The following BSPH1 variants were observed in gnomAD, a reference collection of about 807,000 sequenced individuals.
BSPH1 encodes the protein binder of sperm protein homolog 1, also known as binder of sperm 1.
A neutral mutation model predicts 22.5 loss-of-function variants in BSPH1; 21 were observed. The ratio of observed to expected loss-of-function variants is 0.93; its 90% confidence interval spans 0.66 to 1.35. The LOEUF (loss-of-function observed/expected upper bound fraction) is 1.35, where lower values mean the gene tolerates loss of function less well. Among genes scored for constraint, BSPH1 ranks in the 40% most tolerant of loss-of-function variants. The pLI, the probability that BSPH1 is intolerant of heterozygous loss-of-function variation, is 0.00. For missense variants in BSPH1, 141 were observed against 154.2 expected (o/e 0.91, Z 0.45); for synonymous variants, 42 against 53.6 (o/e 0.78, Z 0.95).
At chr19:47,988,235 TC>T (rs1211679160) in intron 1 of BSPH1, among the ~76,000 whole-genome samples, 1 of 152,170 alleles carries the variant, frequency 6.6e-6, no homozygotes, top group Non-Finnish European at 1.5e-5. Flanking sequence ...TTATCCTGCC[TC>T]TTTAATACTG....
chr19:47,978,003 T>TAG lies in BSPH1; in HGVS notation c.125-500_125-499insCT, dbSNP rs1351394875. 9.6e-5 allele frequency among the ~76,000 whole-genome samples: 9 copies of TAG among 93,708 alleles called. No homozygotes were observed. The East Asian group carries it at 2.5e-3, about 26-fold the overall frequency. The allele number at this position is 93,708 out of a possible 152,430, so 61.5% of individuals were successfully genotyped here. A position where few individuals can be genotyped will look rare whatever the true frequency, so the allele number is the denominator to read the frequency against. Reference sequence around the variant, plus strand: ...TATATGCTGTATGGTTAATACAGGATATATATATATATATATATATATATA... The same window carrying TAG: ...TATATGCTGTATGGTTAATACAGGATAGATATATATATATATATATATATATA... On this transcript the variant is annotated intron_variant, in intron 3 of 5. Coordinates refer to ENST00000344839, the MANE Select transcript of BSPH1 (RefSeq NM_001128326.2).
At chr19:47,969,017 A>AAT (rs761983026) in intron 5 of BSPH1, among the ~76,000 whole-genome samples, 37 of 151,812 alleles carry the variant, frequency 2.4e-4, no homozygotes, top group Admixed American at 9.8e-4. Flanking sequence ...AAAAAAAAAA[A>AAT]AAAAAGAAAT....
rs1600080800 is a variant in BSPH1, at chr19:47,968,209, C to G, written c.*3G>C. On this transcript the variant is annotated splice_region_variant and 3_prime_UTR_variant, in exon 6 of 6. Coordinates refer to ENST00000344839, the MANE Select transcript of BSPH1 (RefSeq NM_001128326.2). ...CTGATAGCCAGCAGATGCAAGCAAA[C>G]CTAACCCAAAGAACAGAAGCAGAAA... The G allele has an allele frequency of 6.6e-6, 1 of 152,162 alleles. No individual in the cohort carries two copies. Among genetic ancestry groups the G allele is most frequent in the African/African-American group, 2.4e-5 (1 of 41,432 alleles). The allele number at this position is 152,162 out of a possible 1,614,324, so 9.4% of individuals were successfully genotyped here. A position where few individuals can be genotyped will look rare whatever the true frequency, so the allele number is the denominator to read the frequency against.
chr19:47,983,495 G>A (rs902866535), intron 1 of BSPH1, among the ~76,000 whole-genome samples: 24 of 152,114 alleles, frequency 1.6e-4, no homozygotes, highest in African/African-American at 5.6e-4. Flanking sequence ...TAAGCACTAT[G>A]ATCTTAGAAC....
At chr19:47,985,606 G>A (rs1040538797) in intron 1 of BSPH1, among the ~76,000 whole-genome samples, 8 of 152,014 alleles carry the variant, frequency 5.3e-5, no homozygotes, top group African/African-American at 1.4e-4. Flanking sequence ...AGGCCGAGGC[G>A]GGCAGATCAC....
intron 1 of BSPH1, among the ~76,000 whole-genome samples, chr19:47,986,754 T>A (rs2386985): frequency 3.1e-5 from 4 of 129,212 alleles, no homozygotes; most frequent in African/African-American, 9.1e-5. Context: ...AAAAATAAAA[T>A]AAAATAAAAT....
intron 1 of BSPH1, among the ~76,000 whole-genome samples, chr19:47,982,885 T>C (rs1969432327): frequency 6.6e-6 from 1 of 152,174 alleles, no homozygotes; most frequent in Non-Finnish European, 1.5e-5. Context: ...ATTCTACTTA[T>C]ATGAGGTAAC....
At chr19:47,984,099 G>A (rs143696584) in intron 1 of BSPH1, among the ~76,000 whole-genome samples, 3,139 of 149,384 alleles carry the variant, frequency 0.021, 74 homozygotes, top group African/African-American at 0.059. Context: ...CACCCACCTC[G>A]GCCTCCCAAA....
chr19:47,991,557 GTCA>G (rs1966873594), intron 1 of BSPH1, among the ~76,000 whole-genome samples: 1 of 25,880 alleles, frequency 3.9e-5, no homozygotes, highest in Non-Finnish European at 6.9e-5. Context: ...CCTCCTCCCG[GTCA>G]TCCTCCTCCT....
intron 3 of BSPH1, among the ~76,000 whole-genome samples, chr19:47,978,171 C>T (rs932233358): frequency 6.6e-5 from 10 of 151,966 alleles, no homozygotes; most frequent in African/African-American, 2.4e-4. Context: ...CTAACTTCTT[C>T]ATGGTTCACT....
chr19:47,990,116 CTCAA>C (rs1969509103), intron 1 of BSPH1, among the ~76,000 whole-genome samples: 1 of 65,456 alleles, frequency 1.5e-5, no homozygotes, highest in African/African-American at 8.0e-5. Flanking sequence ...AAGACTCCAT[CTCAA>C]AAAAAAAAAA....
chr19:47,980,477 CTTTTTTTTT>C, intron 2 of BSPH1: 1 of 203,712 alleles, frequency 4.9e-6, no homozygotes, highest in Non-Finnish European at 7.8e-6. Flanking sequence ...CTTCTTCTTT[CTTTTTTTTT>C]TTTTTTTTTT....
At position 47,976,582 on chromosome 19, in the gene BSPH1, G is replaced by GAAAA. The variant is rs770125279; in HGVS notation, c.*2+124_*2+127dup. The GAAAA allele has an allele frequency of 4.8e-3, 2,002 of 413,266 alleles. 43 individuals carry two copies. Among genetic ancestry groups the GAAAA allele is most frequent in the South Asian group, 0.01 (331 of 32,044 alleles). The allele number at this position is 413,266 out of a possible 1,614,324, so 25.6% of individuals were successfully genotyped here. ...TAGATCACCTTCAACTCACATCCCAGAAAAAAAAAAAAAACAAAAAAAAAC... is the reference window on the plus strand; with the variant it reads ...TAGATCACCTTCAACTCACATCCCAGAAAAAAAAAAAAAAAAAACAAAAAAAAAC... On this transcript the variant is annotated intron_variant, in intron 5 of 5. Transcript: ENST00000344839.
intron 5 of BSPH1, among the ~76,000 whole-genome samples, chr19:47,972,844 C>T (rs1969322555): frequency 6.6e-6 from 1 of 150,952 alleles, no homozygotes; most frequent in Admixed American, 6.6e-5. Context: ...TGTGTGTATA[C>T]CCACACACAC....
At position 47,974,269 on chromosome 19, in the gene BSPH1, C is replaced by CTCTCTTT. The variant is rs57733472; in HGVS notation, c.*2+2440_*2+2441insAAAGAGA. Among the ~76,000 whole-genome samples the CTCTCTTT allele has an allele frequency of 6.8e-4, 52 of 75,984 alleles. 1 individual carries two copies. Among genetic ancestry groups the CTCTCTTT allele is most frequent in the South Asian group, 4.3e-3 (11 of 2,578 alleles). 49.8% of individuals were successfully genotyped at this position (75,984 alleles called of 152,430 possible). On this transcript the variant is annotated intron_variant, in intron 5 of 5. Transcript: ENST00000344839. ...CCACAGCCACTTTCTCTCTCTCTCT[C>CTCTCTTT]TTTTTTTTTTTTTTTTTTGAGATGG... is the stretch of plus-strand genomic sequence containing the variant.
rs1356934908 is a variant in BSPH1, at chr19:47,984,386, G to A, written c.74-3445C>T. On this transcript the variant is annotated intron_variant, in intron 1 of 5. Coordinates refer to ENST00000344839, the MANE Select transcript of BSPH1 (RefSeq NM_001128326.2). The stretch of plus-strand genomic sequence containing the variant: ...AGACAAAGCTATGCACTGGAAAATC[G>A]TAACAATTTTGTCAGGAAAGTCCTG... Among the ~76,000 whole-genome samples, 10 of 151,738 alleles carry A rather than the reference G, an allele frequency of 6.6e-5. No individual in the cohort carries two copies. In the East Asian group the frequency reaches 1.2e-3, roughly 18 times the overall value.
In BSPH1 at chr19:47,976,785, T is replaced by C. The variant is rs763688510; in HGVS notation, c.326A>G (p.Glu109Gly). ...LIYWECTDDG[E>G]AFGKKWCSLT... Reference sequence around the variant, plus strand: ...TGAACACCATTTTTTCCCAAATGCTTCCCCATCATCAGTACACTCCCAGTA... The same window carrying C: ...TGAACACCATTTTTTCCCAAATGCTCCCCCATCATCAGTACACTCCCAGTA... Residue 109 changes from glutamate to glycine, a missense_variant, in exon 5 of 6, where the codon GAA (glutamate) becomes GGA (glycine). By Grantham distance (98) the Glu-to-Gly change is moderately conservative. Coordinates refer to ENST00000344839, the MANE Select transcript of BSPH1 (RefSeq NM_001128326.2). The C allele has an allele frequency of 5.2e-5, 81 of 1,551,514 alleles. No homozygotes were observed. The highest frequency in any genetic ancestry group is 2.0e-4 in the Admixed American group (10 of 50,964).
At chr19:47,981,954 A>G (rs1453797740) in intron 1 of BSPH1, among the ~76,000 whole-genome samples, 1 of 152,234 alleles carries the variant, frequency 6.6e-6, no homozygotes, top group African/African-American at 2.4e-5. Context: ...TTAGTTAAAT[A>G]TTACATAACT....
chr19:47,984,151 G>GAAAAA (rs66621103), intron 1 of BSPH1, among the ~76,000 whole-genome samples: 1 of 138,660 alleles, frequency 7.2e-6, no homozygotes, highest in African/African-American at 2.6e-5. Flanking sequence ...CTGGCTTGAA[G>GAAAAA]AAAAAAAAAA....
Sources: gnomAD v4.1 joint callset for allele counts (sites outside exome capture counted in the v4.1 genomes callset) on GRCh38, gnomAD v4.1.1 for gene constraint, MANE v1.5 for transcripts, NCBI Gene and HGNC (gene_info 2026-07-23, HGNC 2026-07-21) for gene names.